The following DNAJA3 variants were observed in gnomAD, a reference collection of about 807,000 sequenced individuals.
DNAJA3 encodes the protein DnaJ heat shock protein family (Hsp40) member A3.
DNAJA3 carries 29 observed loss-of-function variants against 54.9 expected under a neutral mutation model. The observed-to-expected ratio is 0.53, with a 90% CI of 0.39 to 0.72. The LOEUF is 0.72. Among genes scored for constraint, DNAJA3 ranks in the 30% least tolerant of loss-of-function variants. DNAJA3 has a pLI of 0.00. For synonymous variants in DNAJA3, 302 were observed against 251.4 expected, an observed-to-expected ratio of 1.20 and a Z score of -1.90; for missense variants, 708 against 639.4, an observed-to-expected ratio of 1.11 and a Z score of -1.16.
intron 1 of DNAJA3, among the ~76,000 whole-genome samples, chr16:4,429,946 A>G (rs901088894): frequency 1.3e-5 from 2 of 151,832 alleles, no homozygotes; most frequent in African/African-American, 4.8e-5. Context: ...GCAGTGAGCC[A>G]TGATGATGCC....
At position 4,442,399 on chromosome 16, in the gene DNAJA3, C is replaced by T. The variant is rs769536498; in HGVS notation, c.762C>T (p.His254=). The change falls in exon 5 of 12, where the codon CAC becomes CAT. Residue 254 remains histidine (H), a synonymous_variant. Coordinates refer to ENST00000262375, the MANE Select transcript of DNAJA3 (RefSeq NM_005147.6). ...CCGGCACCAAGGTGCAGCATTGCCACTACTGTGGCGGCTCCGGCATGGTAA... is the reference window on the plus strand; with the variant it reads ...CCGGCACCAAGGTGCAGCATTGCCATTACTGTGGCGGCTCCGGCATGGTAA... ...NEPGTKVQHC[H]YCGGSGMETI... 1.9e-6 allele frequency: 3 copies of T among 1,605,098 alleles called. No homozygotes were observed. The highest frequency in any genetic ancestry group is 2.7e-5 in the African/African-American group (2 of 74,630).
intron 2 of DNAJA3, among the ~76,000 whole-genome samples, chr16:4,435,734 G>A (rs1172960335): frequency 6.6e-6 from 1 of 152,162 alleles, no homozygotes; most frequent in Admixed American, 6.5e-5. Flanking sequence ...TCGTTTGATG[G>A]ACATTTGGAT....
chr16:4,447,161 T>A, intron 8 of DNAJA3, 147 bp downstream of exon 8: 6 of 939,946 alleles, frequency 6.4e-6, no homozygotes, highest in Non-Finnish European at 9.4e-6. Flanking sequence ...AATTTTAGGC[T>A]GCTCCTTGAG....
intron 1 of DNAJA3, chr16:4,433,374 C>T (rs968684915): frequency 1.3e-5 from 2 of 152,164 alleles, no homozygotes; most frequent in Non-Finnish European, 2.9e-5. Flanking sequence ...AGTTCTTCCC[C>T]GACCTTCTTA....
chr16:4,437,932 G>A (rs556440444), intron 3 of DNAJA3, among the ~76,000 whole-genome samples: 21 of 151,408 alleles, frequency 1.4e-4, no homozygotes, highest in African/African-American at 4.8e-4. Context: ...CTATGGTCTG[G>A]GCAACAGAAA....
chr16:4,442,641 CG>C, intron 5 of DNAJA3: 1 of 539,466 alleles, frequency 1.9e-6, no homozygotes, highest in Non-Finnish European at 3.2e-6. Flanking sequence ...GGGGGCGGGG[CG>C]GGGGATTGCA....
In DNAJA3 at chr16:4,454,542, G is replaced by A. The variant is rs1037285124; in HGVS notation, c.1340-269G>A. 4.8e-4 allele frequency among the ~76,000 whole-genome samples: 73 copies of A among 152,242 alleles called. 1 individual carries two copies. Among genetic ancestry groups the A allele is most frequent in the African/African-American group, 1.6e-3 (67 of 41,462 alleles). Reference sequence around the variant, plus strand: ...CAGATAGAGACAGCTGTCATAGTCCGTCTCTATTTCTTGTTTCCCTGCTGT... The same window carrying A: ...CAGATAGAGACAGCTGTCATAGTCCATCTCTATTTCTTGTTTCCCTGCTGT... On this transcript the variant is annotated intron_variant, in intron 10 of 11. Coordinates refer to ENST00000262375, the MANE Select transcript of DNAJA3 (RefSeq NM_005147.6).
intron 1 of DNAJA3, among the ~76,000 whole-genome samples, chr16:4,429,426 A>G (rs530333932): frequency 1.3e-5 from 2 of 148,606 alleles, no homozygotes; most frequent in East Asian, 2.1e-4. Context: ...ATTTCACCAT[A>G]TTGGCCAGGA....
chr16:4,442,939 C>G (rs146765857), intron 5 of DNAJA3, 78 bp from the exon 6 acceptor site: 31 of 1,513,886 alleles, frequency 2.0e-5, no homozygotes, highest in Non-Finnish European at 2.8e-5. Context: ...AGACATTTTT[C>G]TTACGCACAT....
intron 11 of DNAJA3, 68 bp from the exon 12 acceptor site, chr16:4,455,478 C>T (rs377487861): frequency 3.9e-6 from 6 of 1,527,398 alleles, no homozygotes; most frequent in East Asian, 4.9e-5. Context: ...GATTAACAGA[C>T]GCTCCCCACA....
chr16:4,447,271 C>A, intron 8 of DNAJA3: 1 of 466,328 alleles, frequency 2.1e-6, no homozygotes, highest in Non-Finnish European at 3.9e-6. Context: ...GGGAACTGGG[C>A]GCATTCAGGA....
chr16:4,450,162 C>T, intron 9 of DNAJA3: 1 of 465,388 alleles, frequency 2.1e-6, no homozygotes, highest in East Asian at 3.3e-5. Flanking sequence ...CTGTATTTAG[C>T]ATAGCCACAG....
At chr16:4,447,125 G>C (rs944069440) in intron 8 of DNAJA3, 111 bp downstream of exon 8, 172 of 1,337,804 alleles carry the variant, frequency 1.3e-4, no homozygotes, top group Non-Finnish European at 1.7e-4. Flanking sequence ...GCATGTGGGG[G>C]GGCACTCACA....
chr16:4,438,204 G>T (rs1278224680), intron 3 of DNAJA3, among the ~76,000 whole-genome samples: 2 of 151,904 alleles, frequency 1.3e-5, no homozygotes, highest in African/African-American at 4.8e-5. Context: ...GTAGTCCCAG[G>T]TGCTGGGGAG....
At chr16:4,441,093 A>C (rs2056831115) in intron 3 of DNAJA3, 3 of 494,052 alleles carry the variant, frequency 6.1e-6, no homozygotes, top group Non-Finnish European at 1.1e-5. Context: ...GGTGCCTGTG[A>C]GGTCAAGCGA....
chr16:4,446,097 T>C (rs1185064305), intron 7 of DNAJA3, among the ~76,000 whole-genome samples: 2 of 151,198 alleles, frequency 1.3e-5, no homozygotes, highest in East Asian at 3.9e-4. Flanking sequence ...AATTTTTGTA[T>C]TTTTAGTAGA....
intron 2 of DNAJA3, 22 bp downstream of exon 2, chr16:4,434,539 T>C (rs763246928): frequency 6.2e-7 from 1 of 1,605,062 alleles, no homozygotes; most frequent in South Asian, 1.1e-5. Flanking sequence ...AGTCAGGTTT[T>C]GGTGACCAAA....
intron 1 of DNAJA3, chr16:4,433,797 C>A (rs2141372962): frequency 6.5e-6 from 1 of 152,894 alleles, no homozygotes; most frequent in South Asian, 2.1e-4. Context: ...ACTGAGACCA[C>A]TCCAGTAGTA....
chr16:4,429,573 G>A (rs973464534), intron 1 of DNAJA3, among the ~76,000 whole-genome samples: 3 of 152,148 alleles, frequency 2.0e-5, no homozygotes, highest in East Asian at 3.9e-4. Context: ...GGTGGCTCAC[G>A]CCTGTAATCC....
Sources: allele counts gnomAD v4.1 joint callset (sites outside exome capture counted in the v4.1 genomes callset), GRCh38; gene constraint gnomAD v4.1.1; transcripts MANE v1.5; gene names NCBI Gene and HGNC (gene_info 2026-07-23, HGNC 2026-07-21).